ACSL6: variants seen among roughly 807,000 people sequenced by gnomAD.
ACSL6 encodes long-chain-fatty-acid--CoA ligase 6.
In ACSL6, 47 loss-of-function variants were observed where a neutral mutation model predicts 98.2. The ratio of observed to expected loss-of-function variants is 0.48; its 90% CI spans 0.38 to 0.61. The LOEUF is 0.61. ACSL6 is among the 20% of genes least tolerant of loss of function. ACSL6 has a pLI of 0.00. For missense variants in ACSL6, 761 were observed against 913.4 expected (o/e 0.83, Z 2.15); for synonymous variants, 362 against 336.9 (o/e 1.07, Z -0.82).
rs771951658 is a variant in ACSL6, at chr5:131,974,868, C to T, written c.1068+25G>A. The T allele has an allele frequency of 2.5e-6, 4 of 1,614,002 alleles. No homozygotes were observed. In the South Asian group the frequency reaches 3.3e-5, roughly 13 times the overall value. ...AAAAAAGAAGGAGCCCAGGCAAGGCCCGGTCAGTCAGGTGGGTGTCTTACC... is the reference window on the plus strand; with the variant it reads ...AAAAAAGAAGGAGCCCAGGCAAGGCTCGGTCAGTCAGGTGGGTGTCTTACC... On this transcript the variant is annotated intron_variant, in intron 11 of 20. Transcript: ENST00000651883.
chr5:131,950,812 C>A lies in ACSL6; in HGVS notation c.*3422G>T, dbSNP rs1490909806. The A allele has an allele frequency of 5.2e-6, 1 of 192,056 alleles. No homozygotes were observed. The highest frequency in any genetic ancestry group is 1.1e-5 in the Non-Finnish European group (1 of 91,916). 11.9% of individuals were successfully genotyped at this position (192,056 alleles called of 1,614,324 possible). On this transcript the variant is annotated 3_prime_UTR_variant, in exon 21 of 21. Transcript: ENST00000651883. ...CAAATTAAGTGCTGATTTCAAGTTGCTAAAACATTACCTGATTGGAAAAAA... is the reference window on the plus strand; with the variant it reads ...CAAATTAAGTGCTGATTTCAAGTTGATAAAACATTACCTGATTGGAAAAAA...
intron 1 of ACSL6, among the ~76,000 whole-genome samples, chr5:131,995,453 C>T (rs986180155): frequency 7.2e-5 from 11 of 152,158 alleles, no homozygotes; most frequent in Non-Finnish European, 1.5e-4. Flanking sequence ...ACAGGTCTGC[C>T]AGCCCAGTGA....
intron 1 of ACSL6, among the ~76,000 whole-genome samples, chr5:132,001,310 A>G (rs578118980): frequency 3.3e-5 from 5 of 152,290 alleles, no homozygotes; most frequent in Middle Eastern, 3.4e-3. Flanking sequence ...TCACACATGT[A>G]CAACCCTGAC....
At chr5:132,011,718 C>T (rs1176230183), upstream of ACSL6, 3 of 1,274,978 alleles carry the variant, frequency 2.4e-6, no homozygotes, top group Non-Finnish European at 2.0e-6. This position sits in a 1 kb window ranked among gnomAD's most constrained non-coding sequence, Gnocchi z 5.4. Context: ...CGCGCCGCTG[C>T]GGAGACGGCT....
At chr5:132,009,528 G>C (rs1020788927) in intron 1 of ACSL6, among the ~76,000 whole-genome samples, 2 of 152,220 alleles carry the variant, frequency 1.3e-5, no homozygotes, top group African/African-American at 4.8e-5. Context: ...AAATGCCCCA[G>C]CAATTGTCTG....
chr5:131,978,091 G>A (rs996218905), intron 9 of ACSL6, among the ~76,000 whole-genome samples: 3 of 152,244 alleles, frequency 2.0e-5, no homozygotes, highest in African/African-American at 7.2e-5. Flanking sequence ...GTTGTAAAAC[G>A]AAAAGAAACC....
At chr5:131,968,862 CAA>C (rs776176861) in intron 15 of ACSL6, among the ~76,000 whole-genome samples, 2 of 152,096 alleles carry the variant, frequency 1.3e-5, no homozygotes, top group African/African-American at 2.4e-5. Flanking sequence ...CAATACTATT[CAA>C]AGATATCAAT....
intron 13 of ACSL6, 135 bp downstream of exon 13, chr5:131,972,589 G>T: frequency 1.8e-6 from 2 of 1,106,038 alleles, no homozygotes; most frequent in Non-Finnish European, 2.6e-6. Context: ...CATAGCTTAA[G>T]CTTTGATTTC....
intron 8 of ACSL6, among the ~76,000 whole-genome samples, chr5:131,986,288 C>A (rs1368138756): frequency 6.6e-6 from 1 of 152,156 alleles, no homozygotes; most frequent in Non-Finnish European, 1.5e-5. Context: ...AAGGACTGAG[C>A]TGGAGGGAGG....
At chr5:131,988,593 G>A in intron 6 of ACSL6, 2 of 1,612,954 alleles carry the variant, frequency 1.2e-6, no homozygotes, top group Non-Finnish European at 1.7e-6. Context: ...CTTCTTGGCA[G>A]CTGAGCCCTG....
intron 9 of ACSL6, 160 bp downstream of exon 9, chr5:131,985,247 G>T: frequency 1.2e-6 from 1 of 821,464 alleles, no homozygotes; most frequent in Non-Finnish European, 1.9e-6. Flanking sequence ...CTTATGCAGG[G>T]CACTGGGAGG....
chr5:131,980,832 A>G (rs965294503), intron 9 of ACSL6, among the ~76,000 whole-genome samples: 2 of 152,050 alleles, frequency 1.3e-5, no homozygotes, highest in Non-Finnish European at 2.9e-5. Flanking sequence ...GGCCTCCCCA[A>G]GGATCCCATT....
At chr5:131,975,707 T>C (rs1320856589) in intron 10 of ACSL6, 54 of 985,240 alleles carry the variant, frequency 5.5e-5, no homozygotes, top group Non-Finnish European at 5.5e-5. Context: ...GGACTGACCC[T>C]AGGGACAGGG....
rs1752657018 is a variant in ACSL6, at chr5:131,960,591, G to T, written c.1888C>A (p.Pro630Thr). ...AFLVGIVVPD[P>T]EVMPSWAQKR... ...TGGGCCCAGGAGGGCATAACTTCAG[G>T]GTCAGGCACAACAATGCCTACCAAA... The change falls in exon 19 of 21, where the codon CCT becomes ACT. Residue 630 changes from proline to threonine, a missense_variant. Physicochemically the swap from Pro to Thr is conservative, Grantham distance 38. Transcript: ENST00000651883. 1 of 1,613,672 alleles carries T rather than the reference G, an allele frequency of 6.2e-7. No homozygotes were observed.
rs1057315209 is a variant in ACSL6 at position 131,973,453 on chromosome 5, G to A, written c.1069-53C>T. 1.6e-5 allele frequency: 26 copies of A among 1,589,016 alleles called. No homozygotes were observed. In the East Asian group the frequency reaches 3.8e-4, roughly 23 times the overall value. On this transcript the variant is annotated intron_variant, in intron 11 of 20. Coordinates refer to ENST00000651883, the MANE Select transcript of ACSL6 (RefSeq NM_001009185.3). ...GTCCCTTAGGGTGGTCACTACTGGC[G>A]ATAGTCCAAAGCTGTCCAAAGTGCT...
At chr5:131,955,951 G>A (rs1752380771) in intron 20 of ACSL6, among the ~76,000 whole-genome samples, 1 of 152,232 alleles carries the variant, frequency 6.6e-6, no homozygotes, top group Non-Finnish European at 1.5e-5. Context: ...AAGACTTCTG[G>A]TAAGTACAAA....
intron 11 of ACSL6, chr5:131,973,928 A>G (rs936223934): frequency 2.0e-5 from 3 of 152,834 alleles, no homozygotes; most frequent in African/African-American, 7.2e-5. Context: ...CTAGGAGTAC[A>G]CCAGGGGCCT....
At position 131,962,516 on chromosome 5, in the gene ACSL6, T is replaced by C. The variant is rs1211554820; in HGVS notation, c.1857+19A>G. 6.2e-7 allele frequency: 1 copy of C among 1,600,750 alleles called. No individual in the cohort carries two copies. The highest frequency in any genetic ancestry group is 2.2e-5 in the East Asian group (1 of 44,596). On this transcript the variant is annotated intron_variant, in intron 18 of 20. Transcript: ENST00000651883. ...GCATGCCCAGGATATGTGGGAGGGC[T>C]GAAGCCTAGAGGCCTCACCTTTAAG...
chr5:131,958,864 A>G (rs1198856836), intron 20 of ACSL6, among the ~76,000 whole-genome samples: 2 of 152,130 alleles, frequency 1.3e-5, no homozygotes, highest in African/African-American at 4.8e-5. Flanking sequence ...TCTTATGAAA[A>G]ACAATTATTT....
Sources: allele counts gnomAD v4.1 joint callset (sites outside exome capture counted in the v4.1 genomes callset), GRCh38; gene constraint gnomAD v4.1.1; non-coding constraint Gnocchi (gnomAD v3.1); transcripts MANE v1.5; gene names NCBI Gene and HGNC (gene_info 2026-07-23, HGNC 2026-07-21).